Variants in RANBP17 observed in about 807,000 individuals in gnomAD.
RANBP17 encodes ran-binding protein 17.
Under a neutral mutation model 141.2 loss-of-function variants are expected in RANBP17, and 158 were observed. That is an observed-to-expected ratio of 1.12 (90% CI 0.98 to 1.28). The LOEUF is 1.28. RANBP17 is among the 50% of genes most tolerant of loss of function. The probability of loss-of-function intolerance (pLI) is 0.00; values close to 1 mark genes in which losing one functional copy is unlikely to be tolerated. For synonymous variants in RANBP17, 430 were observed against 450.0 expected (o/e 0.96, Z 0.56); for missense variants, 1,438 against 1,290.7 (o/e 1.11, Z -1.75).
At chr5:171,063,160 C>A (rs1404755806) in intron 14 of RANBP17, among the ~76,000 whole-genome samples, 1 of 152,340 alleles carries the variant, frequency 6.6e-6, no homozygotes, top group South Asian at 2.1e-4. Flanking sequence ...TCTCTCAACT[C>A]GTCAAACTCA....
intron 14 of RANBP17, among the ~76,000 whole-genome samples, chr5:170,985,154 CACAG>C (rs1482724177): frequency 2.0e-5 from 3 of 151,884 alleles, no homozygotes; most frequent in African/African-American, 7.3e-5. Context: ...CAAATGCACA[CACAG>C]ACACACACAC....
At position 171,298,793 on chromosome 5, in the gene RANBP17, G is replaced by C; in HGVS notation, c.3202G>C (p.Asp1068His). ...CCAAAATCTGTCTGTATTCAGAAGAGATGTGGCAGAGGCGTTGCGCAGTGA... is the reference window on the plus strand; with the variant it reads ...CCAAAATCTGTCTGTATTCAGAAGACATGTGGCAGAGGCGTTGCGCAGTGA... ...FTQNLSVFRR[D>H]VAEALRSDGN... is the part of the protein sequence containing the mutation. Residue 1068 changes from aspartate to histidine, a missense_variant, in exon 28 of 28, where the codon GAT becomes CAT. Coordinates refer to ENST00000523189, the MANE Select transcript of RANBP17 (RefSeq NM_022897.5). 6.2e-7 allele frequency: 1 copy of C among 1,614,192 alleles called. No homozygotes were observed. Among genetic ancestry groups the C allele is most frequent in the Middle Eastern group, 1.6e-4 (1 of 6,062 alleles).
intron 14 of RANBP17, among the ~76,000 whole-genome samples, chr5:171,091,013 C>T (rs1786217763): frequency 6.6e-6 from 1 of 152,204 alleles, no homozygotes; most frequent in Admixed American, 6.5e-5. Context: ...TCACAGAGTC[C>T]CTTCTGGAAC....
At chr5:171,272,967 G>T (rs1213391482) in intron 25 of RANBP17, among the ~76,000 whole-genome samples, 1 of 152,092 alleles carries the variant, frequency 6.6e-6, no homozygotes, top group Non-Finnish European at 1.5e-5. Context: ...GATGTTGAAG[G>T]TATATAATTT....
chr5:171,115,394 GATA>G (rs1755547966), intron 14 of RANBP17, among the ~76,000 whole-genome samples: 2 of 152,160 alleles, frequency 1.3e-5, no homozygotes, highest in Middle Eastern at 3.4e-3. Flanking sequence ...CAAGATAAAA[GATA>G]ATATTGTCTA....
intron 14 of RANBP17, among the ~76,000 whole-genome samples, chr5:171,116,735 A>G (rs1755658428): frequency 6.6e-6 from 1 of 152,200 alleles, no homozygotes; most frequent in Non-Finnish European, 1.5e-5. Context: ...CCATTCTACT[A>G]TAGTTAGAAT....
At chr5:170,938,341 C>G (rs1292800395) in intron 12 of RANBP17, among the ~76,000 whole-genome samples, 1 of 152,144 alleles carries the variant, frequency 6.6e-6, no homozygotes, top group Non-Finnish European at 1.5e-5. Flanking sequence ...TCCAAAGGAT[C>G]AACCATAATT....
intron 22 of RANBP17, among the ~76,000 whole-genome samples, chr5:171,223,641 A>C (rs925047001): frequency 6.6e-6 from 1 of 152,228 alleles, no homozygotes; most frequent in African/African-American, 2.4e-5. Context: ...GTCTCAAAAA[A>C]TAAAATAAAA....
At chr5:170,924,024 G>A (rs1213744426) in intron 11 of RANBP17, among the ~76,000 whole-genome samples, 2 of 148,936 alleles carry the variant, frequency 1.3e-5, no homozygotes, top group Non-Finnish European at 3.0e-5. Context: ...TAGAGACAGA[G>A]TCTCGCCCTG....
intron 22 of RANBP17, among the ~76,000 whole-genome samples, chr5:171,229,759 GAAAAA>G (rs758827854): frequency 5.7e-5 from 5 of 88,338 alleles, no homozygotes; most frequent in Non-Finnish European, 9.6e-5. Context: ...GATGCAAAAG[GAAAAA>G]AAAAAAAAAA....
rs539235756 is a variant in RANBP17 at position 170,982,080 on chromosome 5, G to C, written c.1710+13703G>C. Among the ~76,000 whole-genome samples, 11 of 152,312 alleles carry C rather than the reference G, an allele frequency of 7.2e-5. No individual in the cohort carries two copies. In the South Asian group the frequency reaches 2.3e-3, roughly 32 times the overall value. ...AGGAGGTTCTAGGGGATAAGAATAA[G>C]ACACTGGACTGAAAAATATTCCTAG... On this transcript the variant is annotated intron_variant, in intron 14 of 27. Transcript: ENST00000523189.
intron 12 of RANBP17, among the ~76,000 whole-genome samples, chr5:170,930,382 C>G (rs1175954236): frequency 6.6e-6 from 1 of 151,116 alleles, no homozygotes; most frequent in South Asian, 2.1e-4. Context: ...TTACTTTTTT[C>G]TAATCTTTTT....
intron 14 of RANBP17, among the ~76,000 whole-genome samples, chr5:171,083,740 G>A (rs1315512811): frequency 6.6e-6 from 1 of 152,062 alleles, no homozygotes; most frequent in Non-Finnish European, 1.5e-5. Flanking sequence ...GTGAATCATG[G>A]GGCAGGTCTT....
chr5:171,118,873 G>A (rs1755824317), intron 14 of RANBP17, among the ~76,000 whole-genome samples: 1 of 152,052 alleles, frequency 6.6e-6, no homozygotes, highest in East Asian at 1.9e-4. Flanking sequence ...CTGCAAACAG[G>A]GACAATTTGG....
intron 14 of RANBP17, among the ~76,000 whole-genome samples, chr5:171,082,385 C>T (rs982523835): frequency 2.0e-4 from 31 of 152,046 alleles, no homozygotes; most frequent in African/African-American, 4.6e-4. Flanking sequence ...TTGATCAGTT[C>T]GAATAGGTAA....
At position 170,944,319 on chromosome 5, in the gene RANBP17, T is replaced by G. The variant is rs569421637; in HGVS notation, c.1469-9278T>G. On this transcript the variant is annotated intron_variant, in intron 12 of 27. Transcript: ENST00000523189. ...GGTCTCACTGTCACCTAGGCTAGAGTGCAGTGGTGCGATCTCGGCTCACTG... is the reference window on the plus strand; with the variant it reads ...GGTCTCACTGTCACCTAGGCTAGAGGGCAGTGGTGCGATCTCGGCTCACTG... Among the ~76,000 whole-genome samples, 35 of 152,320 alleles carry G rather than the reference T, an allele frequency of 2.3e-4. 1 individual carries two copies. Among genetic ancestry groups the G allele is most frequent in the South Asian group, 8.3e-4 (4 of 4,828 alleles).
At chr5:171,120,855 C>T (rs1488327661) in intron 14 of RANBP17, among the ~76,000 whole-genome samples, 2 of 152,108 alleles carry the variant, frequency 1.3e-5, no homozygotes, top group Non-Finnish European at 2.9e-5. Flanking sequence ...TTTATTAAGT[C>T]GGTTTGACAG....
chr5:171,112,270 G>A (rs1485370040), intron 14 of RANBP17, among the ~76,000 whole-genome samples: 4 of 151,792 alleles, frequency 2.6e-5, no homozygotes, highest in African/African-American at 9.7e-5. Flanking sequence ...AGCCAAGAAG[G>A]GCCTGGATTT....
At chr5:171,063,909 T>C (rs1447590241) in intron 14 of RANBP17, among the ~76,000 whole-genome samples, 1 of 152,222 alleles carries the variant, frequency 6.6e-6, no homozygotes, top group East Asian at 1.9e-4. Context: ...TGCAGTTTGA[T>C]CTCAGACTGC....
Sources: allele counts gnomAD v4.1 joint callset (sites outside exome capture counted in the v4.1 genomes callset), GRCh38; gene constraint gnomAD v4.1.1; transcripts MANE v1.5; gene names NCBI Gene and HGNC (gene_info 2026-07-23, HGNC 2026-07-21).